The following XPO1 variants were observed in gnomAD, a reference collection of about 807,000 sequenced individuals.
XPO1 encodes exportin 1, also known as exportin-1.
Under a neutral mutation model 133.3 loss-of-function variants are expected in XPO1, and 5 were observed. The observed-to-expected ratio is 0.04, with a 90% CI of 0.02 to 0.08. The LOEUF (loss-of-function observed/expected upper bound fraction) is 0.08, where lower values mean the gene tolerates loss of function less well. Ranked by LOEUF, XPO1 falls within the 10% of genes least tolerant of loss-of-function variation. XPO1 has a pLI of 1.00. For missense variants in XPO1, 506 were observed against 1,267.5 expected (o/e 0.40, Z 9.12); for synonymous variants, 419 against 408.2 (o/e 1.03, Z -0.32).
At chr2:61,488,418 CTA>C (rs1232829259) in intron 18 of XPO1, 147 bp from the exon 19 acceptor site, 1 of 1,196,200 alleles carries the variant, frequency 8.4e-7, no homozygotes, top group East Asian at 2.4e-5. Context: ...AGCTTTAAGA[CTA>C]ATTTTAAAAG....
At chr2:61,533,940 A>G in intron 1 of XPO1, 37 bp from the exon 2 acceptor site, 1 of 1,443,742 alleles carries the variant, frequency 6.9e-7, no homozygotes, top group Non-Finnish European at 9.1e-7. Flanking sequence ...CTGCCTATCA[A>G]GTTTTGGTAT....
intron 24 of XPO1, among the ~76,000 whole-genome samples, chr2:61,479,646 A>C (rs1696238974): frequency 6.6e-6 from 1 of 151,638 alleles, no homozygotes; most frequent in African/African-American, 2.4e-5. Context: ...CATTATCTCA[A>C]CCTCTTCCTC....
intron 4 of XPO1, among the ~76,000 whole-genome samples, chr2:61,516,614 A>C (rs935444986): frequency 1.3e-5 from 2 of 151,682 alleles, no homozygotes; most frequent in East Asian, 3.9e-4. Context: ...GGGTTTCTCC[A>C]TGTTGGTCAG....
At position 61,498,804 on chromosome 2, in the gene XPO1, C is replaced by T. The variant is rs761428635; in HGVS notation, c.640-12G>A. 1 of 1,612,700 alleles carries T rather than the reference C, an allele frequency of 6.2e-7. No homozygotes were observed. The highest frequency in any genetic ancestry group is 2.2e-5 in the East Asian group (1 of 44,826). On this transcript the variant is annotated splice_polypyrimidine_tract_variant and intron_variant, in intron 8 of 24. Transcript: ENST00000401558. Reference sequence around the variant, plus strand: ...TTTTGAGAATTTTCCTATAACAAAACACACTTGTAAATAATTGCTTTCCTA... The same window carrying T: ...TTTTGAGAATTTTCCTATAACAAAATACACTTGTAAATAATTGCTTTCCTA...
chr2:61,481,551 A>G (rs1303641855), intron 23 of XPO1, among the ~76,000 whole-genome samples: 1 of 152,048 alleles, frequency 6.6e-6, no homozygotes, highest in African/African-American at 2.4e-5. Flanking sequence ...CTCTGAAGCT[A>G]TTCTCCTGCC....
At chr2:61,493,488 C>T in intron 12 of XPO1, 1 of 196,476 alleles carries the variant, frequency 5.1e-6, no homozygotes, top group Non-Finnish European at 1.0e-5. Context: ...ACCTGAGCCA[C>T]AGAGCAAGAC....
At chr2:61,531,288 GT>G (rs1699143733) in intron 2 of XPO1, among the ~76,000 whole-genome samples, 1 of 152,172 alleles carries the variant, frequency 6.6e-6, no homozygotes, top group African/African-American at 2.4e-5. Flanking sequence ...AACTGATTTT[GT>G]CACATGATCT....
chr2:61,479,651 T>C (rs1022851640), intron 24 of XPO1, among the ~76,000 whole-genome samples: 4 of 152,130 alleles, frequency 2.6e-5, no homozygotes, highest in African/African-American at 4.8e-5. Flanking sequence ...TCTCAACCTC[T>C]TCCTCCAAGA....
intron 21 of XPO1, 28 bp from the exon 22 acceptor site, chr2:61,483,119 G>A (rs779344069): frequency 6.3e-7 from 1 of 1,596,258 alleles, no homozygotes; most frequent in Non-Finnish European, 8.5e-7. Flanking sequence ...CCAATGGAAA[G>A]TTACTACAGA....
intron 2 of XPO1, among the ~76,000 whole-genome samples, chr2:61,527,060 T>C (rs1401943949): frequency 6.6e-6 from 1 of 152,162 alleles, no homozygotes; most frequent in Non-Finnish European, 1.5e-5. Context: ...ACAGTAACAT[T>C]TTTGGGAGTA....
intron 16 of XPO1, among the ~76,000 whole-genome samples, chr2:61,491,143 C>A (rs929214369): frequency 4.6e-5 from 7 of 151,376 alleles, no homozygotes; most frequent in African/African-American, 1.7e-4. Flanking sequence ...AGGAAGACTC[C>A]ACCTCAAAAA....
chr2:61,522,487 A>G, intron 4 of XPO1, 124 bp downstream of exon 4: 1 of 784,120 alleles, frequency 1.3e-6, no homozygotes, highest in South Asian at 1.8e-5. Context: ...TTCATGATAA[A>G]AGCAATAAGC....
At chr2:61,529,081 C>T (rs989580019) in intron 2 of XPO1, among the ~76,000 whole-genome samples, 2 of 151,948 alleles carry the variant, frequency 1.3e-5, no homozygotes, top group Admixed American at 6.6e-5. Flanking sequence ...GTCCCAGCTA[C>T]TCAGGAGGCT....
At chr2:61,503,551 A>C (rs777832242) in intron 4 of XPO1, among the ~76,000 whole-genome samples, 12 of 152,086 alleles carry the variant, frequency 7.9e-5, no homozygotes, top group Non-Finnish European at 1.5e-4. Context: ...CAGCCTCCCA[A>C]GTAGCTGGGA....
At position 61,496,731 on chromosome 2, in the gene XPO1, A is replaced by T. The variant is rs1437755761; in HGVS notation, c.888+148T>A. On this transcript the variant is annotated intron_variant, in intron 10 of 24. Transcript: ENST00000401558. ...TAAGAAATTTTTGGAAACATCATAA[A>T]AATTTGTAGCTTACTACAAATTTTA... 37 of 1,031,740 alleles carry T rather than the reference A, an allele frequency of 3.6e-5. No individual in the cohort carries two copies. In the East Asian group the frequency reaches 1.1e-3, roughly 31 times the overall value. 63.9% of individuals were successfully genotyped at this position (1,031,740 alleles called of 1,614,324 possible).
At chr2:61,488,533 T>A in intron 18 of XPO1, 55 bp downstream of exon 18, 1 of 1,523,834 alleles carries the variant, frequency 6.6e-7, no homozygotes, top group African/African-American at 1.4e-5. Flanking sequence ...CTTAAGGCAG[T>A]AGAAGAGAAG....
In XPO1 at chr2:61,526,438, A is replaced by G. The variant is rs781702028; in HGVS notation, c.210T>C (p.Ser70=). 12 of 1,609,514 alleles carry G rather than the reference A, an allele frequency of 7.5e-6. No individual in the cohort carries two copies. In the South Asian group the frequency reaches 1.2e-4, roughly 16 times the overall value. ...WTRVDTILEF[S]QNMNTKYYGL... Reference sequence around the variant, plus strand: ...TGCTTACTTTCGTATTCATATTCTGAGAAAATTCCAAAATTGTGTCGACTC... The same window carrying G: ...TGCTTACTTTCGTATTCATATTCTGGGAAAATTCCAAAATTGTGTCGACTC... The change falls in exon 3 of 25, where the codon TCT becomes TCC. Residue 70 remains serine, a synonymous_variant. Transcript: ENST00000401558.
intron 16 of XPO1, 122 bp from the exon 17 acceptor site, chr2:61,490,898 T>C: frequency 1.7e-6 from 2 of 1,204,238 alleles, no homozygotes; most frequent in East Asian, 2.4e-5. Context: ...ATCACTCCTG[T>C]AATCCCAATA....
At chr2:61,526,710 T>A (rs1413801010) in intron 2 of XPO1, among the ~76,000 whole-genome samples, 189 bp from the exon 3 acceptor site, 1 of 150,946 alleles carries the variant, frequency 6.6e-6, no homozygotes, top group African/African-American at 2.4e-5. Context: ...CTCCCAATTT[T>A]TTTTTTTTTT....
Sources: gnomAD v4.1 joint callset for allele counts (sites outside exome capture counted in the v4.1 genomes callset) on GRCh38, gnomAD v4.1.1 for gene constraint, MANE v1.5 for transcripts, NCBI Gene and HGNC (gene_info 2026-07-23, HGNC 2026-07-21) for gene names.